The following PCDHGA4 variants were observed in gnomAD, a reference collection of about 807,000 sequenced individuals.
The protein encoded by PCDHGA4 is protocadherin gamma subfamily A, 4.
A neutral mutation model predicts 54.6 loss-of-function variants in PCDHGA4; 38 were observed. That is an observed-to-expected ratio of 0.70 (90% CI 0.54 to 0.91). The LOEUF is 0.91. Ranked by LOEUF, PCDHGA4 falls within the 40% of genes least tolerant of loss-of-function variation. The probability of loss-of-function intolerance (pLI) is 0.00; values close to 1 mark genes in which losing one functional copy is unlikely to be tolerated. For missense variants in PCDHGA4, 1,298 were observed against 1,220.9 expected (o/e 1.06, Z -0.94); for synonymous variants, 511 against 512.9 (o/e 1.00, Z 0.05).
chr5:141,430,952 C>T, intron 1 of PCDHGA4: 2 of 1,610,382 alleles, frequency 1.2e-6, no homozygotes, highest in Non-Finnish European at 1.7e-6. Flanking sequence ...GCGCGGAGTC[C>T]GCATCATCCC....
chr5:141,398,336 C>T lies in PCDHGA4; in HGVS notation c.2514+40715C>T, dbSNP rs2093641789. The T allele has an allele frequency of 7.3e-6, 10 of 1,363,224 alleles. No individual in the cohort carries two copies. In the East Asian group the frequency reaches 1.7e-4, roughly 24 times the overall value. 84.4% of individuals were successfully genotyped at this position (1,363,224 alleles called of 1,614,324 possible). On this transcript the variant is annotated intron_variant, in intron 1 of 3. Coordinates refer to ENST00000571252, the MANE Select transcript of PCDHGA4 (RefSeq NM_018917.4). ...CCGACTCGAAAACTGCGCGTCAGTT[C>T]GGAGAAGCCTTACTTCACCGTGAGC...
chr5:141,424,134 A>G (rs1255504512), intron 1 of PCDHGA4: 7 of 444,220 alleles, frequency 1.6e-5, no homozygotes, highest in Non-Finnish European at 2.2e-5. Context: ...TTGATTTAAT[A>G]GCATGCTCCC....
chr5:141,394,451 G>A (rs774912185), intron 1 of PCDHGA4: 1 of 1,614,118 alleles, frequency 6.2e-7, no homozygotes, highest in Non-Finnish European at 8.5e-7. Flanking sequence ...GCAGCAACAT[G>A]TCACTGAGCC....
In PCDHGA4 at chr5:141,511,032, G is replaced by A; in HGVS notation, c.2748G>A (p.Gln916=). 1.2e-6 allele frequency: 2 copies of A among 1,614,228 alleles called. No homozygotes were observed. The highest frequency in any genetic ancestry group is 2.2e-5 in the East Asian group (1 of 44,888). The change falls in exon 4 of 4, where the codon CAG becomes CAA. Residue 916 remains glutamine, a synonymous_variant. Transcript: ENST00000571252. Reference sequence around the variant, plus strand: ...GCTACGGACCCCAGTTCACCCTGCAGCACGTGCCCGACTACCGCCAGAATG... The same window carrying A: ...GCTACGGACCCCAGTTCACCCTGCAACACGTGCCCGACTACCGCCAGAATG... ...SARYGPQFTL[Q]HVPDYRQNVY...
intron 1 of PCDHGA4, chr5:141,412,862 T>A (rs957973834): frequency 7.5e-5 from 18 of 241,156 alleles, no homozygotes; most frequent in African/African-American, 3.4e-4. Context: ...AAAGAATCTA[T>A]GTAAAATATA....
rs750214310 is a variant in PCDHGA4 at position 141,432,447 on chromosome 5, T to C, written c.2515-62360T>C. 1 of 1,614,202 alleles carries C rather than the reference T, an allele frequency of 6.2e-7. No homozygotes were observed. Among genetic ancestry groups the C allele is most frequent in the South Asian group, 1.1e-5 (1 of 91,072 alleles). ...CAGAACGACAATGCGCCCGAGATCCTGTACCCCGCCCTCCCCACGGACGGT... is the reference window on the plus strand; with the variant it reads ...CAGAACGACAATGCGCCCGAGATCCCGTACCCCGCCCTCCCCACGGACGGT... On this transcript the variant is annotated intron_variant, in intron 1 of 3. Coordinates refer to ENST00000571252, the MANE Select transcript of PCDHGA4 (RefSeq NM_018917.4). This position sits in a 1 kb window ranked among gnomAD's most constrained non-coding sequence, Gnocchi z 6.0.
chr5:141,492,616 G>C (rs976681246), intron 1 of PCDHGA4, among the ~76,000 whole-genome samples: 2 of 152,252 alleles, frequency 1.3e-5, no homozygotes, highest in African/African-American at 4.8e-5. Context: ...CTAAGTGCCG[G>C]GCGGGCAGGA....
At chr5:141,405,096 G>A (rs2094608531) in intron 1 of PCDHGA4, 6 of 1,613,808 alleles carry the variant, frequency 3.7e-6, no homozygotes, top group Admixed American at 1.7e-5. Flanking sequence ...CTGGCCCTCA[G>A]GCTGAGGCAC....
intron 1 of PCDHGA4, chr5:141,374,626 C>G (rs748933501): frequency 9.9e-6 from 16 of 1,613,226 alleles, no homozygotes; most frequent in Admixed American, 1.7e-5. Context: ...TCTCAGTGGA[C>G]GTGCAAAGCG....
rs777535962 is a variant in PCDHGA4, at chr5:141,431,195, G to T, written c.2515-63612G>T. The T allele has an allele frequency of 1.2e-6, 2 of 1,614,166 alleles. No homozygotes were observed. Among genetic ancestry groups the T allele is most frequent in the East Asian group, 2.2e-5 (1 of 44,890 alleles). On this transcript the variant is annotated intron_variant, in intron 1 of 3. Transcript: ENST00000571252. The surrounding 1 kb of genome is among the most constrained non-coding windows in gnomAD (Gnocchi z 4.8). ...ATTAGAAATAAAAATTAGTGAAAAT[G>T]CAGCCACTGAGATGCGGTTCCCTCT... is the stretch of plus-strand genomic sequence containing the variant.
At position 141,476,209 on chromosome 5, in the gene PCDHGA4, G is replaced by A. The variant is rs749576231; in HGVS notation, c.2515-18598G>A. ...TTGGTGCCTTGAACAAGGCTTCCAC[G>A]GTCATTCACTATGAGATCCCGGAGG... On this transcript the variant is annotated intron_variant, in intron 1 of 3. Coordinates refer to ENST00000571252, the MANE Select transcript of PCDHGA4 (RefSeq NM_018917.4). The surrounding 1 kb of genome is among the most constrained non-coding windows in gnomAD (Gnocchi z 7.6). The A allele has an allele frequency of 3.1e-6, 5 of 1,613,974 alleles. No individual in the cohort carries two copies. Among genetic ancestry groups the A allele is most frequent in the Admixed American group, 1.7e-5 (1 of 60,014 alleles).
At position 141,355,234 on chromosome 5, in the gene PCDHGA4, C is replaced by G. The variant is rs764381792; in HGVS notation, c.127C>G (p.Arg43Gly). 1 of 1,612,190 alleles carries G rather than the reference C, an allele frequency of 6.2e-7. No homozygotes were observed. The highest frequency in any genetic ancestry group is 8.5e-7 in the Non-Finnish European group (1 of 1,179,258). ...GCCTCCTGCTCGCCCAGACCACACC[C>G]GGCTGCTCCAGATCTGCCTTCTCCT... ...AAPPARPDHT[R>G]LLQICLLLGV... The change falls in exon 1 of 4, where the codon CGG becomes GGG. Residue 43 changes from arginine to glycine, a missense_variant. By Grantham distance (125) the Arg-to-Gly change is moderately radical (BLOSUM62 -2). Coordinates refer to ENST00000571252, the MANE Select transcript of PCDHGA4 (RefSeq NM_018917.4).
chr5:141,434,277 A>G (rs760937958), intron 1 of PCDHGA4, among the ~76,000 whole-genome samples: 4 of 152,172 alleles, frequency 2.6e-5, no homozygotes, highest in Non-Finnish European at 4.4e-5. Flanking sequence ...AATTAGAGGT[A>G]TTCTCTGTTT....
At chr5:141,389,998 T>C (rs755639909) in intron 1 of PCDHGA4, 1 of 1,614,046 alleles carries the variant, frequency 6.2e-7, no homozygotes, top group East Asian at 2.2e-5. Context: ...CTCGTGGCCA[T>C]GATTCTGGCC....
At chr5:141,488,855 C>T (rs1441666819) in intron 1 of PCDHGA4, among the ~76,000 whole-genome samples, 2 of 152,190 alleles carry the variant, frequency 1.3e-5, no homozygotes, top group Non-Finnish European at 1.5e-5. Context: ...ACCTGCAGCA[C>T]GAAGTGAGTG....
intron 1 of PCDHGA4, chr5:141,422,570 A>G: frequency 6.2e-7 from 1 of 1,614,012 alleles, no homozygotes; most frequent in African/African-American, 1.3e-5. Flanking sequence ...GATGACAACG[A>G]TAACCCTCCC....
At chr5:141,387,016 T>C (rs2090783508) in intron 1 of PCDHGA4, among the ~76,000 whole-genome samples, 1 of 152,202 alleles carries the variant, frequency 6.6e-6, no homozygotes, top group South Asian at 2.1e-4. Flanking sequence ...ACTTTGAAGA[T>C]GAATGTTGTA....
chr5:141,445,363 T>C (rs186841717), intron 1 of PCDHGA4, among the ~76,000 whole-genome samples: 9 of 152,284 alleles, frequency 5.9e-5, no homozygotes. Context: ...CCAAGTCTGG[T>C]CCTGGGTGGT....
chr5:141,372,231 G>A, intron 1 of PCDHGA4: 2 of 1,613,374 alleles, frequency 1.2e-6, no homozygotes, highest in Non-Finnish European at 8.5e-7. Flanking sequence ...GCAGGCCAGC[G>A]AGCCCGGGCT....
Sources: allele counts gnomAD v4.1 joint callset (sites outside exome capture counted in the v4.1 genomes callset), GRCh38; gene constraint gnomAD v4.1.1; non-coding constraint Gnocchi (gnomAD v3.1); transcripts MANE v1.5; gene names NCBI Gene and HGNC (gene_info 2026-07-23, HGNC 2026-07-21).